Variants in PHACTR1 observed in about 807,000 individuals in gnomAD.
PHACTR1 encodes phosphatase and actin regulator 1.
In PHACTR1, 16 loss-of-function variants were observed where a neutral mutation model predicts 69.2. The observed-to-expected ratio is 0.23, with a 90% CI of 0.16 to 0.35. The LOEUF (loss-of-function observed/expected upper bound fraction) is 0.35, where lower values mean the gene tolerates loss of function less well. PHACTR1 is among the 10% of genes least tolerant of loss of function. The pLI, the probability that PHACTR1 is intolerant of heterozygous loss-of-function variation, is 1.00. For missense variants in PHACTR1, 510 were observed against 734.7 expected (o/e 0.69, Z 3.54); for synonymous variants, 312 against 284.5 (o/e 1.10, Z -0.97).
intron 8 of PHACTR1, 134 bp downstream of exon 8, chr6:13,206,270 T>A: frequency 1.4e-5 from 14 of 1,000,904 alleles, no homozygotes; most frequent in South Asian, 8.4e-5. Flanking sequence ...GAAAGTAAAA[T>A]GAGACAAAAA....
chr6:13,118,195 G>T (rs1242167340), intron 5 of PHACTR1, among the ~76,000 whole-genome samples: 1 of 152,196 alleles, frequency 6.6e-6, no homozygotes, highest in East Asian at 1.9e-4. Flanking sequence ...GTTCCTGCCA[G>T]GAGCACCTAG....
At chr6:13,201,130 T>C (rs1469528975) in intron 7 of PHACTR1, among the ~76,000 whole-genome samples, 2 of 151,784 alleles carry the variant, frequency 1.3e-5, no homozygotes, top group African/African-American at 2.4e-5. Flanking sequence ...CTGCAGCACA[T>C]GTAGGAGGAG....
intron 6 of PHACTR1, among the ~76,000 whole-genome samples, chr6:13,181,241 A>G (rs1386671443): frequency 2.0e-5 from 3 of 152,202 alleles, no homozygotes; most frequent in Non-Finnish European, 1.5e-5. Flanking sequence ...ACCATAGATC[A>G]GTGATTTATA....
intron 4 of PHACTR1, among the ~76,000 whole-genome samples, chr6:12,962,783 T>A (rs1792916619): frequency 6.6e-6 from 1 of 152,244 alleles, no homozygotes; most frequent in African/African-American, 2.4e-5. Flanking sequence ...GGCATGTCTC[T>A]GGATAATTTC....
chr6:13,023,391 A>C (rs901103516), intron 4 of PHACTR1, among the ~76,000 whole-genome samples: 9 of 152,198 alleles, frequency 5.9e-5, no homozygotes, highest in African/African-American at 2.2e-4. Flanking sequence ...TTATTGTTTC[A>C]ATGTGAACTT....
At chr6:13,278,356 G>T in intron 12 of PHACTR1, 27 bp downstream of exon 12, 1 of 1,573,530 alleles carries the variant, frequency 6.4e-7, no homozygotes, top group Non-Finnish European at 8.6e-7. Flanking sequence ...GCCAAGAGCT[G>T]GGACAGGAGA....
chr6:13,205,916 C>T lies in PHACTR1; in HGVS notation c.766C>T (p.Leu256Phe), dbSNP rs2113873171. 1 of 1,613,874 alleles carries T rather than the reference C, an allele frequency of 6.2e-7. No homozygotes were observed. The highest frequency in any genetic ancestry group is 1.3e-5 in the African/African-American group (1 of 75,036). The change falls in exon 8 of 15, where the codon CTC becomes TTC. Residue 256 changes from leucine (L) to phenylalanine (F), a missense_variant. By Grantham distance (22) the Leu-to-Phe change is conservative. This residue lies in a region of PHACTR1 where 419 missense variants were observed against 530.9 expected (regional missense o/e 0.79). Transcript: ENST00000332995. ...MICMPVGGPD[L>F]SLVSYTAQKS... The stretch of plus-strand genomic sequence containing the variant: ...CTGTATGCCCGTGGGGGGGCCAGAC[C>T]TCTCACTGGTGTCCTACACAGCCCA...
chr6:13,020,992 A>G lies in PHACTR1; in HGVS notation c.251-32373A>G, dbSNP rs1331141597. Among the ~76,000 whole-genome samples, 3 of 152,136 alleles carry G rather than the reference A, an allele frequency of 2.0e-5. No homozygotes were observed. The East Asian group carries it at 5.8e-4, about 29-fold the overall frequency. On this transcript the variant is annotated intron_variant, in intron 4 of 14. Transcript: ENST00000332995. ...GTAGTATTTCCTGGAGGATTTTTTA[A>G]AAAGCATTTTTATTGAGATATAATT...
chr6:12,841,198 A>T (rs1375356425), intron 4 of PHACTR1, among the ~76,000 whole-genome samples: 1 of 152,242 alleles, frequency 6.6e-6, no homozygotes, highest in East Asian at 1.9e-4. Flanking sequence ...GATTTGGAGA[A>T]GTTAAATGAC....
chr6:13,236,921 G>GAC (rs1772077831), intron 10 of PHACTR1, among the ~76,000 whole-genome samples: 1 of 152,140 alleles, frequency 6.6e-6, no homozygotes, highest in Non-Finnish European at 1.5e-5. Flanking sequence ...GAGATGAATA[G>GAC]GGAGTGTTAG....
intron 5 of PHACTR1, among the ~76,000 whole-genome samples, chr6:13,159,806 G>A (rs1302832006): frequency 3.3e-5 from 5 of 152,140 alleles, no homozygotes; most frequent in Admixed American, 1.3e-4. Context: ...TGTGTGTGGT[G>A]GCATGTGCCT....
At chr6:13,053,020 C>T (rs925462224) in intron 4 of PHACTR1, among the ~76,000 whole-genome samples, 4 of 152,164 alleles carry the variant, frequency 2.6e-5, no homozygotes, top group East Asian at 1.9e-4. Flanking sequence ...AATTGCCGGA[C>T]CAGTAGTTAC....
rs1780684846 is a variant in PHACTR1 at position 13,283,201 on chromosome 6, C to T, written c.1510-221C>T. 2.0e-6 allele frequency: 1 copy of T among 490,924 alleles called. No individual in the cohort carries two copies. Among genetic ancestry groups the T allele is most frequent in the Non-Finnish European group, 3.6e-6 (1 of 278,546 alleles). 30.4% of individuals were successfully genotyped at this position (490,924 alleles called of 1,614,324 possible). A position where few individuals can be genotyped will look rare whatever the true frequency, so the allele number is the denominator to read the frequency against. On this transcript the variant is annotated intron_variant, in intron 12 of 14. Coordinates refer to ENST00000332995, the MANE Select transcript of PHACTR1 (RefSeq NM_030948.6). This position sits in a 1 kb window ranked among gnomAD's most constrained non-coding sequence, Gnocchi z 4.7. The stretch of plus-strand genomic sequence containing the variant: ...GGCCTAGAGGGTATGTAAGGGATAA[C>T]AAAGCTCTCTCTTAGGACCTAGAAA...
chr6:12,905,244 A>G (rs542328358), intron 4 of PHACTR1, among the ~76,000 whole-genome samples: 1 of 152,332 alleles, frequency 6.6e-6, no homozygotes, highest in East Asian at 1.9e-4. Flanking sequence ...CAGTGTCCTC[A>G]TAGGAAGTCA....
chr6:13,081,619 C>T (rs1583274512), intron 5 of PHACTR1, among the ~76,000 whole-genome samples: 1 of 151,872 alleles, frequency 6.6e-6, no homozygotes, highest in African/African-American at 2.4e-5. Context: ...GCTAGAAGTT[C>T]GAGACTAGCC....
intron 5 of PHACTR1, among the ~76,000 whole-genome samples, chr6:13,109,833 C>CGTGTGTGT (rs58370068): frequency 0.16 from 22,724 of 145,964 alleles, 2,151 homozygotes; most frequent in South Asian, 0.33. Context: ...ATTTTTTCAG[C>CGTGTGTGT]GTGTGTGTGT....
intron 9 of PHACTR1, among the ~76,000 whole-genome samples, chr6:13,229,076 C>T (rs1215433356): frequency 6.6e-6 from 1 of 152,216 alleles, no homozygotes; most frequent in Non-Finnish European, 1.5e-5. Flanking sequence ...CCAGAGACCT[C>T]AATGATCCAT....
chr6:13,078,062 T>C (rs186650952), intron 5 of PHACTR1, among the ~76,000 whole-genome samples: 8 of 152,120 alleles, frequency 5.3e-5, no homozygotes, highest in African/African-American at 1.9e-4. Context: ...ACTGGGAGTG[T>C]AGGACGCCAA....
intron 7 of PHACTR1, among the ~76,000 whole-genome samples, chr6:13,201,946 A>G (rs997435094): frequency 1.3e-5 from 2 of 152,210 alleles, no homozygotes; most frequent in African/African-American, 4.8e-5. Flanking sequence ...GTTCATTTTT[A>G]TGAAATCCAC....
Sources: gnomAD v4.1 joint callset for allele counts (sites outside exome capture counted in the v4.1 genomes callset) on GRCh38, gnomAD v4.1.1 for gene constraint, gnomAD v4.1.1 regional missense constraint, Gnocchi (gnomAD v3.1) non-coding constraint, MANE v1.5 for transcripts, NCBI Gene and HGNC (gene_info 2026-07-23, HGNC 2026-07-21) for gene names.